DAP3: variants seen among roughly 807,000 people sequenced by gnomAD.
DAP3 encodes small ribosomal subunit protein mS29.
A neutral mutation model predicts 51.9 loss-of-function variants in DAP3; 28 were observed. That is an observed-to-expected ratio of 0.54 (90% CI 0.40 to 0.74). DAP3 has a LOEUF of 0.74. Among genes scored for constraint, DAP3 ranks in the 30% least tolerant of loss-of-function variants. The pLI is 0.00. For synonymous variants in DAP3, 170 were observed against 170.3 expected, an observed-to-expected ratio of 1.00 and a Z score of 0.01; for missense variants, 458 against 483.5, an observed-to-expected ratio of 0.95 and a Z score of 0.49.
chr1:155,700,149 A>C (rs1321667012), intron 1 of DAP3, among the ~76,000 whole-genome samples: 1 of 152,012 alleles, frequency 6.6e-6, no homozygotes, highest in Non-Finnish European at 1.5e-5. Flanking sequence ...GTTGGCCAGG[A>C]TGGTCTCAAT....
intron 1 of DAP3, among the ~76,000 whole-genome samples, chr1:155,705,761 C>T (rs527571037): frequency 2.4e-4 from 37 of 151,972 alleles, no homozygotes; most frequent in East Asian, 5.8e-4. Flanking sequence ...CATGCAATGG[C>T]GCAATCTCAG....
At chr1:155,719,293 T>TGGCGCAGTCTCGTCTCACTGCAAC (rs1325952430) in intron 3 of DAP3, among the ~76,000 whole-genome samples, 2 of 150,618 alleles carry the variant, frequency 1.3e-5, no homozygotes. Flanking sequence ...TGGAGTGCAA[T>TGGCGCAGTCTCGTCTCACTGCAAC]GGCGCAGTCT....
At chr1:155,717,185 C>A in intron 3 of DAP3, 57 bp downstream of exon 3, 1 of 1,582,116 alleles carries the variant, frequency 6.3e-7, no homozygotes, top group Non-Finnish European at 8.6e-7. Context: ...TGTTCCTGTC[C>A]TCATTTTGCA....
intron 12 of DAP3, 130 bp from the exon 13 acceptor site, chr1:155,738,027 A>C (rs41264969): frequency 0.051 from 41,825 of 819,190 alleles, 1,383 homozygotes; most frequent in African/African-American, 0.11. Flanking sequence ...TCTAGAAGTA[A>C]GATCTCTTGG....
At chr1:155,737,210 A>G in intron 12 of DAP3, 147 bp downstream of exon 12, 1 of 684,052 alleles carries the variant, frequency 1.5e-6, no homozygotes, top group Non-Finnish European at 2.5e-6. Context: ...GATAAATGGT[A>G]CAGAAAAGCG....
chr1:155,736,366 G>A (rs543630687), intron 11 of DAP3, among the ~76,000 whole-genome samples: 29 of 152,204 alleles, frequency 1.9e-4, no homozygotes, highest in Admixed American at 7.2e-4. Flanking sequence ...GTGTGTGTGC[G>A]TGTGTATGTG....
chr1:155,691,502 T>C (rs1571406152), intron 1 of DAP3, among the ~76,000 whole-genome samples: 1 of 142,208 alleles, frequency 7.0e-6, no homozygotes, highest in East Asian at 1.9e-4. Flanking sequence ...TTGATGGACA[T>C]GTGAGGTATT....
chr1:155,702,811 A>T lies in DAP3; in HGVS notation c.-7-6962A>T, dbSNP rs184582718. 4.3e-3 allele frequency among the ~76,000 whole-genome samples: 655 copies of T among 152,184 alleles called. 2 individuals carry two copies. The highest frequency in any genetic ancestry group is 0.01 in the Middle Eastern group (3 of 294). On this transcript the variant is annotated intron_variant, in intron 1 of 12. Coordinates refer to ENST00000368336, the MANE Select transcript of DAP3 (RefSeq NM_004632.4). ...TGGCGAAACTCCGTCTTTACTAAAA[A>T]TACAAAAAATTAGCCAGGCGTGGTG...
rs1206088326 is a variant in DAP3 at position 155,701,971 on chromosome 1, T to C, written c.-7-7802T>C. Among the ~76,000 whole-genome samples the C allele has an allele frequency of 4.6e-5, 7 of 150,756 alleles. No homozygotes were observed. In the South Asian group the frequency reaches 1.5e-3, roughly 31 times the overall value. ...GGAAGTAGCTGACAGCAAAACTGCTTTCCTACTCATCAACCCAAAGAACTG... is the reference window on the plus strand; with the variant it reads ...GGAAGTAGCTGACAGCAAAACTGCTCTCCTACTCATCAACCCAAAGAACTG... On this transcript the variant is annotated intron_variant, in intron 1 of 12. Transcript: ENST00000368336.
chr1:155,695,826 C>T (rs976409603), intron 1 of DAP3, among the ~76,000 whole-genome samples: 2 of 152,198 alleles, frequency 1.3e-5, no homozygotes, highest in African/African-American at 4.8e-5. Context: ...ACATATGCCG[C>T]TTTCCCAGTA....
intron 6 of DAP3, chr1:155,727,075 A>T: frequency 6.6e-6 from 1 of 152,248 alleles, no homozygotes; most frequent in East Asian, 1.9e-4. Context: ...AGTCCTGAGT[A>T]CCCATAGAGC....
In DAP3 at chr1:155,727,451, A is replaced by G. The variant is rs556469130; in HGVS notation, c.473-157A>G. The G allele has an allele frequency of 3.8e-4, 265 of 698,370 alleles. No individual in the cohort carries two copies. In the African/African-American group the frequency reaches 3.9e-3, roughly 10 times the overall value. The allele number at this position is 698,370 out of a possible 1,614,324, so 43.3% of individuals were successfully genotyped here. A position where few individuals can be genotyped will look rare whatever the true frequency, so the allele number is the denominator to read the frequency against. ...CATCCTGCCTTCTAGCCTGGGTGAC[A>G]GAGCAAGACCCTGTCTCAAAAAAAA... On this transcript the variant is annotated intron_variant, in intron 6 of 12. Transcript: ENST00000368336.
upstream of DAP3, chr1:155,689,037 G>A: frequency 1.3e-6 from 2 of 1,569,120 alleles, no homozygotes; most frequent in Non-Finnish European, 8.6e-7. Context: ...GTGGTTGGAG[G>A]CCGCGGCGGC....
chr1:155,690,930 C>T lies in DAP3; in HGVS notation c.-8+1756C>T, dbSNP rs1457105192. ...AATTTATTTTATTTTTTTTTTGAGA[C>T]GGAGTCTCGCTCTGTCACCCAGGCT... On this transcript the variant is annotated intron_variant, in intron 1 of 12. Coordinates refer to ENST00000368336, the MANE Select transcript of DAP3 (RefSeq NM_004632.4). Among the ~76,000 whole-genome samples the T allele has an allele frequency of 4.2e-5, 6 of 141,262 alleles. No individual in the cohort carries two copies. The East Asian group carries it at 5.8e-4, about 14-fold the overall frequency. The allele number at this position is 141,262 out of a possible 152,430, so 92.7% of individuals were successfully genotyped here. A position where few individuals can be genotyped will look rare whatever the true frequency, so the allele number is the denominator to read the frequency against.
chr1:155,714,077 G>A (rs901104254), intron 2 of DAP3, among the ~76,000 whole-genome samples: 3 of 152,176 alleles, frequency 2.0e-5, no homozygotes, highest in Admixed American at 2.0e-4. Flanking sequence ...GAAGTAGAAT[G>A]AGCAGAAGTA....
At chr1:155,726,648 A>G (rs1571544507) in intron 6 of DAP3, among the ~76,000 whole-genome samples, 1 of 152,090 alleles carries the variant, frequency 6.6e-6, no homozygotes, top group South Asian at 2.1e-4. Flanking sequence ...TTTGCCAGTC[A>G]CGATGGCTCA....
intron 11 of DAP3, 169 bp from the exon 12 acceptor site, chr1:155,736,777 G>C: frequency 1.5e-6 from 1 of 647,814 alleles, no homozygotes; most frequent in Middle Eastern, 4.3e-4. Context: ...GCCACCATAT[G>C]TGGAGTCCAT....
chr1:155,728,870 AAAAAG>A (rs1465922034), intron 7 of DAP3, among the ~76,000 whole-genome samples, 167 bp from the exon 8 acceptor site: 1 of 152,070 alleles, frequency 6.6e-6, no homozygotes, highest in Admixed American at 6.6e-5. Context: ...AAAAAAAAAA[AAAAAG>A]AAAGAAAAGA....
upstream of DAP3, chr1:155,688,783 CG>C (rs1478717504): frequency 6.5e-7 from 1 of 1,539,934 alleles, no homozygotes; most frequent in Non-Finnish European, 8.7e-7. Context: ...ACACTCCTCG[CG>C]CGTGCGCCTC....
Sources: allele counts gnomAD v4.1 joint callset (sites outside exome capture counted in the v4.1 genomes callset), GRCh38; gene constraint gnomAD v4.1.1; transcripts MANE v1.5; gene names NCBI Gene and HGNC (gene_info 2026-07-23, HGNC 2026-07-21).